The following DCTD variants were observed in gnomAD, a reference collection of about 807,000 sequenced individuals.
DCTD encodes the protein dCMP deaminase, also known as deoxycytidylate deaminase.
A neutral mutation model predicts 21.0 loss-of-function variants in DCTD; 23 were observed. The observed-to-expected ratio is 1.09, with a 90% confidence interval of 0.79 to 1.55. The LOEUF (loss-of-function observed/expected upper bound fraction) is 1.55. DCTD is among the 40% of genes most tolerant of loss of function. The pLI, the probability that DCTD is intolerant of heterozygous loss-of-function variation, is 0.00. For missense variants in DCTD, 224 were observed against 230.0 expected (o/e 0.97, Z 0.17); for synonymous variants, 71 against 81.1 (o/e 0.88, Z 0.67).
intron 3 of DCTD, among the ~76,000 whole-genome samples, chr4:182,897,217 T>C (rs1450919309): frequency 6.6e-6 from 1 of 152,040 alleles, no homozygotes; most frequent in Non-Finnish European, 1.5e-5. Context: ...ATAGAAATAA[T>C]GCACAGCATT....
chr4:182,892,293 G>C (rs1159681877), intron 5 of DCTD, among the ~76,000 whole-genome samples: 2 of 152,122 alleles, frequency 1.3e-5, no homozygotes. Context: ...GAACTTACTT[G>C]CAAGTAAAAT....
At chr4:182,900,166 CTT>C (rs886068734) in intron 3 of DCTD, among the ~76,000 whole-genome samples, 1 of 152,062 alleles carries the variant, frequency 6.6e-6, no homozygotes, top group Non-Finnish European at 1.5e-5. Context: ...AATAAAAAAA[CTT>C]AGCCAGGTAT....
At chr4:182,917,496 A>AGGGG (rs1411850296), upstream of DCTD, 105 of 275,262 alleles carry the variant, frequency 3.8e-4, no homozygotes, top group African/African-American at 2.3e-3. The surrounding 1 kb of genome is among the most constrained non-coding windows in gnomAD (Gnocchi z 4.9). Flanking sequence ...GGAGGGAGGG[A>AGGGG]CGGCGGGGGC....
In DCTD at chr4:182,891,481, A is replaced by G; in HGVS notation, c.459-4T>C. The G allele has an allele frequency of 6.3e-7, 1 of 1,598,324 alleles. No homozygotes were observed. Among genetic ancestry groups the G allele is most frequent in the East Asian group, 2.2e-5 (1 of 44,784 alleles). On this transcript the variant is annotated splice_region_variant and splice_polypyrimidine_tract_variant and intron_variant, in intron 5 of 5. Coordinates refer to ENST00000438320, the MANE Select transcript of DCTD (RefSeq NM_001921.3). ...GCTGCACTTCGGTATGAATTTCCTA[A>G]AAATAAAAACAAAATACAATTATTA... is the stretch of plus-strand genomic sequence containing the variant.
In DCTD at chr4:182,890,854, G is replaced by A. The variant is rs11542955; in HGVS notation, c.*545C>T. 873 of 152,792 alleles carry A rather than the reference G, an allele frequency of 5.7e-3. 6 individuals carry two copies. Among genetic ancestry groups the A allele is most frequent in the South Asian group, 0.014 (67 of 4,854 alleles). 9.5% of individuals were successfully genotyped at this position (152,792 alleles called of 1,614,324 possible). A position where few individuals can be genotyped will look rare whatever the true frequency, so the allele number is the denominator to read the frequency against. On this transcript the variant is annotated 3_prime_UTR_variant, in exon 6 of 6. Coordinates refer to ENST00000438320, the MANE Select transcript of DCTD (RefSeq NM_001921.3). ...GATGTGCCACCCTATCTCGGATTCC[G>A]GGAGGGTGGCTGGGGGTTTCCCTCA...
intron 3 of DCTD, among the ~76,000 whole-genome samples, chr4:182,908,791 T>C (rs1340290583): frequency 6.6e-6 from 1 of 152,180 alleles, no homozygotes; most frequent in African/African-American, 2.4e-5. Flanking sequence ...CATAGCTGTT[T>C]TCTAAATTAG....
intron 3 of DCTD, among the ~76,000 whole-genome samples, chr4:182,898,091 CAGA>C (rs1735065072): frequency 1.3e-5 from 2 of 152,184 alleles, no homozygotes; most frequent in Admixed American, 6.5e-5. Flanking sequence ...GCAGGTGGGT[CAGA>C]GTAAAGTTTG....
intron 3 of DCTD, among the ~76,000 whole-genome samples, chr4:182,905,926 C>A (rs1276068989): frequency 6.6e-6 from 1 of 152,152 alleles, no homozygotes; most frequent in Admixed American, 6.5e-5. Context: ...GCTACTGCAA[C>A]CAGAACCATT....
Position 182,894,565 on chromosome 4 carries a change from C to T in DCTD, c.285G>A (p.Ser95=). 1.2e-6 allele frequency: 2 copies of T among 1,614,124 alleles called. No individual in the cohort carries two copies. The highest frequency in any genetic ancestry group is 1.6e-4 in the Middle Eastern group (1 of 6,062). The part of the protein sequence containing the change: ...AELNAIMNKN[S]TDVKGCSMYV... ...ACATACTACAGCCTTTCACATCGGT[C>T]GAATTTTTGTTCATGATGGCATTCA... Residue 95 remains serine, a synonymous_variant, in exon 4 of 6, where the codon TCG becomes TCA. Transcript: ENST00000438320.
chr4:182,892,416 C>G (rs1041878680), intron 5 of DCTD, among the ~76,000 whole-genome samples: 7 of 152,122 alleles, frequency 4.6e-5, no homozygotes, highest in Non-Finnish European at 1.0e-4. Context: ...ACCTGTAATC[C>G]CAGCACTTTG....
chr4:182,913,711 A>G (rs914444871), intron 3 of DCTD, among the ~76,000 whole-genome samples: 5 of 152,204 alleles, frequency 3.3e-5, no homozygotes, highest in African/African-American at 1.2e-4. Flanking sequence ...TCTCAGACAT[A>G]AAATACAGGG....
intron 3 of DCTD, among the ~76,000 whole-genome samples, chr4:182,898,655 T>C (rs1291573949): frequency 6.6e-6 from 1 of 152,194 alleles, no homozygotes; most frequent in Admixed American, 6.5e-5. Flanking sequence ...CGCTTCTCTC[T>C]GCTCGTTTTT....
At chr4:182,897,276 G>A (rs1287171055) in intron 3 of DCTD, among the ~76,000 whole-genome samples, 1 of 151,458 alleles carries the variant, frequency 6.6e-6, no homozygotes, top group African/African-American at 2.4e-5. Flanking sequence ...GATGAAGAAT[G>A]TAAAGCTTCT....
intron 2 of DCTD, 97 bp downstream of exon 2, chr4:182,915,364 A>T: frequency 1.1e-6 from 1 of 878,912 alleles, no homozygotes; most frequent in Non-Finnish European, 1.9e-6. Flanking sequence ...CTGCACTTTT[A>T]AGTTGACAGG....
intron 3 of DCTD, among the ~76,000 whole-genome samples, chr4:182,910,198 G>A (rs1159332318): frequency 1.3e-5 from 2 of 152,270 alleles, no homozygotes; most frequent in East Asian, 1.9e-4. Context: ...CAAGCACAGA[G>A]GCACTCACCA....
intron 3 of DCTD, among the ~76,000 whole-genome samples, chr4:182,900,756 A>G (rs1317568752): frequency 6.6e-6 from 1 of 152,242 alleles, no homozygotes; most frequent in Non-Finnish European, 1.5e-5. Context: ...TTTAAAAGGA[A>G]AAGAATCAAA....
rs75486066 is a variant in DCTD at position 182,899,706 on chromosome 4, C to T, written c.245-5101G>A. 7.8e-3 allele frequency among the ~76,000 whole-genome samples: 1,195 copies of T among 152,236 alleles called. 13 individuals carry two copies. Among genetic ancestry groups the T allele is most frequent in the African/African-American group, 0.028 (1,147 of 41,534 alleles). On this transcript the variant is annotated intron_variant, in intron 3 of 5. Coordinates refer to ENST00000438320, the MANE Select transcript of DCTD (RefSeq NM_001921.3). ...ATGAGCCACCGCGCCCGGCCAGTCA[C>T]TGACCTTAAGAATCCATCTGTTCAT...
intron 3 of DCTD, among the ~76,000 whole-genome samples, chr4:182,902,825 G>A (rs990139065): frequency 6.6e-6 from 1 of 152,282 alleles, no homozygotes; most frequent in Admixed American, 6.5e-5. Context: ...GCAGCGGCCC[G>A]AGTGCAAGCT....
Position 182,890,472 on chromosome 4 carries a change from G to T in DCTD, c.*927C>A, listed in dbSNP as rs926367205. 9 of 152,232 alleles carry T rather than the reference G, an allele frequency of 5.9e-5. No homozygotes were observed. Among genetic ancestry groups the T allele is most frequent in the African/African-American group, 1.9e-4 (8 of 41,458 alleles). 9.4% of individuals were successfully genotyped at this position (152,232 alleles called of 1,614,324 possible). On this transcript the variant is annotated 3_prime_UTR_variant, in exon 6 of 6. Transcript: ENST00000438320. ...TTTCTCACAATCCACTCACGGGATAGGAATTAATTTTCTCTCCAGTTGCAG... is the reference window on the plus strand; with the variant it reads ...TTTCTCACAATCCACTCACGGGATATGAATTAATTTTCTCTCCAGTTGCAG...
Sources: allele counts gnomAD v4.1 joint callset (sites outside exome capture counted in the v4.1 genomes callset), GRCh38; gene constraint gnomAD v4.1.1; non-coding constraint Gnocchi (gnomAD v3.1); transcripts MANE v1.5; gene names NCBI Gene and HGNC (gene_info 2026-07-23, HGNC 2026-07-21).